Variants in EMSY observed in about 807,000 individuals in gnomAD.
EMSY encodes the protein EMSY transcriptional repressor, BRCA2 interacting.
A neutral mutation model predicts 134.6 loss-of-function variants in EMSY; 26 were observed. That is an observed-to-expected ratio of 0.19 (90% CI 0.14 to 0.27). EMSY has a LOEUF of 0.27. Among genes scored for constraint, EMSY ranks in the 10% least tolerant of loss-of-function variants. The pLI, the probability that EMSY is intolerant of heterozygous loss-of-function variation, is 1.00. For synonymous variants in EMSY, 579 were observed against 577.8 expected, an observed-to-expected ratio of 1.00 and a Z score of -0.03; for missense variants, 1,305 against 1,611.4, an observed-to-expected ratio of 0.81 and a Z score of 3.26.
intron 12 of EMSY, among the ~76,000 whole-genome samples, chr11:76,526,118 C>A (rs1392685887): frequency 6.6e-6 from 1 of 152,120 alleles, no homozygotes; most frequent in Admixed American, 6.6e-5. Flanking sequence ...TAGAGACAAG[C>A]ATTAGCAGTG....
At chr11:76,487,562 A>G (rs1305220326) in intron 8 of EMSY, among the ~76,000 whole-genome samples, 1 of 152,260 alleles carries the variant, frequency 6.6e-6, no homozygotes, top group Non-Finnish European at 1.5e-5. Flanking sequence ...GCTTATCAGT[A>G]GCATACAAGT....
exon 20 of EMSY, chr11:76,545,895 T>C (rs1433560343): frequency 1.2e-6 from 2 of 1,614,086 alleles, no homozygotes; most frequent in African/African-American, 2.7e-5. Context: ...GTGGCAGTTC[T>C]GTGCCTAAGC....
chr11:76,529,391 A>G (rs142108744), intron 14 of EMSY, among the ~76,000 whole-genome samples: 2 of 152,000 alleles, frequency 1.3e-5, no homozygotes, highest in Non-Finnish European at 2.9e-5. Flanking sequence ...TAGTATTTTA[A>G]CTCTTTGGTG....
At chr11:76,511,424 C>T (rs2508738) in intron 9 of EMSY, among the ~76,000 whole-genome samples, 61,014 of 151,954 alleles carry the variant, frequency 0.4, 12,662 homozygotes, top group South Asian at 0.51. Context: ...TAATTGTGGT[C>T]GGGTCTGGTG....
Position 76,542,377 on chromosome 11 carries a change from C to G in EMSY, c.2709+10C>G, listed in dbSNP as rs763560873. 6.2e-7 allele frequency: 1 copy of G among 1,612,356 alleles called. No individual in the cohort carries two copies. Among genetic ancestry groups the G allele is most frequent in the Non-Finnish European group, 8.5e-7 (1 of 1,178,384 alleles). On this transcript the variant is annotated intron_variant, in intron 18 of 20. Transcript: ENST00000334736. The stretch of plus-strand genomic sequence containing the variant: ...CCACATTATGCAGCAGGTTGTATCT[C>G]TTCTTTTTCTTCCTATCTTCTGCAA...
intron 10 of EMSY, among the ~76,000 whole-genome samples, chr11:76,515,392 A>G (rs903425524): frequency 3.9e-5 from 6 of 152,166 alleles, no homozygotes; most frequent in African/African-American, 1.4e-4. Context: ...AGAAACTACA[A>G]CAGACTCATG....
intron 11 of EMSY, among the ~76,000 whole-genome samples, chr11:76,518,313 C>T (rs1950520667): frequency 6.6e-6 from 1 of 151,442 alleles, no homozygotes; most frequent in Non-Finnish European, 1.5e-5. Context: ...GACTACAGGC[C>T]CACACCACCA....
chr11:76,463,723 C>G, intron 6 of EMSY, 98 bp from the exon 8 acceptor site: 1 of 1,350,160 alleles, frequency 7.4e-7, no homozygotes, highest in Non-Finnish European at 1.0e-6. Flanking sequence ...TGGCTTAAGA[C>G]AGAGAGAGGA....
chr11:76,501,265 A>G (rs1467997466), intron 9 of EMSY, among the ~76,000 whole-genome samples: 1 of 152,184 alleles, frequency 6.6e-6, no homozygotes, highest in Non-Finnish European at 1.5e-5. Flanking sequence ...TCTAACAAAG[A>G]CATAAGGAGG....
At chr11:76,493,911 G>A (rs976272729) in intron 8 of EMSY, among the ~76,000 whole-genome samples, 1 of 152,224 alleles carries the variant, frequency 6.6e-6, no homozygotes, top group South Asian at 2.1e-4. Context: ...GGAGAGAAGA[G>A]CTGCAGCCCT....
chr11:76,515,406 T>G (rs1384893086), intron 10 of EMSY, among the ~76,000 whole-genome samples: 3 of 152,172 alleles, frequency 2.0e-5, no homozygotes, highest in Non-Finnish European at 2.9e-5. Flanking sequence ...ACTCATGTAG[T>G]TAGCTTTTAA....
chr11:76,493,841 A>G (rs1475671240), intron 8 of EMSY, among the ~76,000 whole-genome samples: 1 of 152,222 alleles, frequency 6.6e-6, no homozygotes, highest in African/African-American at 2.4e-5. Flanking sequence ...CGGGACTGAA[A>G]GAGCTGTAAC....
chr11:76,516,012 C>A, intron 10 of EMSY, 130 bp from the exon 12 acceptor site: 2 of 744,844 alleles, frequency 2.7e-6, no homozygotes, highest in Admixed American at 3.2e-5. Context: ...AAATTAATGT[C>A]TTGACACCTT....
intron 11 of EMSY, among the ~76,000 whole-genome samples, chr11:76,518,061 A>G (rs1950508634): frequency 6.6e-6 from 1 of 152,182 alleles, no homozygotes. Flanking sequence ...TATTTATAGT[A>G]AACTGATAAG....
intron 14 of EMSY, among the ~76,000 whole-genome samples, chr11:76,531,531 C>T (rs533295711): frequency 1.4e-4 from 21 of 152,126 alleles, no homozygotes; most frequent in Non-Finnish European, 2.4e-4. Context: ...ATATTATATC[C>T]TCAGTTTTAT....
At chr11:76,472,765 C>G (rs748920929) in exon 8 of EMSY, 1 of 1,614,174 alleles carries the variant, frequency 6.2e-7, no homozygotes, top group African/African-American at 1.3e-5. Context: ...TACACCATCA[C>G]CTATTCCTAA....
chr11:76,520,467 A>G (rs1021831374), intron 11 of EMSY, among the ~76,000 whole-genome samples: 1 of 152,210 alleles, frequency 6.6e-6, no homozygotes, highest in Non-Finnish European at 1.5e-5. Flanking sequence ...AAAGGTCTAT[A>G]GAGTTAATCA....
chr11:76,484,267 T>A (rs928562006), intron 8 of EMSY, among the ~76,000 whole-genome samples: 1 of 152,152 alleles, frequency 6.6e-6, no homozygotes, highest in Non-Finnish European at 1.5e-5. Flanking sequence ...AGAGGGAAAT[T>A]TATAGCACTA....
At chr11:76,509,313 T>C (rs919324272) in intron 9 of EMSY, among the ~76,000 whole-genome samples, 6 of 152,056 alleles carry the variant, frequency 3.9e-5, no homozygotes, top group African/African-American at 1.4e-4. Context: ...GCCAACATGA[T>C]GAAACCCTGT....
Sources: gnomAD v4.1 joint callset for allele counts (sites outside exome capture counted in the v4.1 genomes callset) on GRCh38, gnomAD v4.1.1 for gene constraint, MANE v1.5 for transcripts, NCBI Gene and HGNC (gene_info 2026-07-23, HGNC 2026-07-21) for gene names.